The following TNIP3 variants were observed in gnomAD, a reference collection of about 807,000 sequenced individuals.
The protein encoded by TNIP3 is TNFAIP3-interacting protein 3.
A neutral mutation model predicts 54.1 loss-of-function variants in TNIP3; 34 were observed. The observed-to-expected ratio is 0.63, with a 90% CI of 0.48 to 0.84. TNIP3 has a LOEUF of 0.84. Ranked by LOEUF, TNIP3 falls within the 40% of genes least tolerant of loss-of-function variation. The pLI, the probability that TNIP3 is intolerant of heterozygous loss-of-function variation, is 0.00. For synonymous variants in TNIP3, 134 were observed against 136.8 expected (o/e 0.98, Z 0.14); for missense variants, 366 against 387.6 (o/e 0.94, Z 0.47).
Position 121,162,063 on chromosome 4 carries a change from C to T in TNIP3, c.67-847G>A, listed in dbSNP as rs184448027. On this transcript the variant is annotated intron_variant, in intron 1 of 10. Transcript: ENST00000057513. ...TAATTCCTACATCTGTAATCTGTTT[C>T]AGGCTTAATAGTTACTGTGGATCAC... is the stretch of plus-strand genomic sequence containing the variant. Among the ~76,000 whole-genome samples, 471 of 152,230 alleles carry T rather than the reference C, an allele frequency of 3.1e-3. 4 individuals are homozygous for T. Among genetic ancestry groups the T allele is most frequent in the Admixed American group, 5.8e-3 (89 of 15,288 alleles).
At chr4:121,145,576 T>C (rs1729378180) in intron 7 of TNIP3, among the ~76,000 whole-genome samples, 1 of 150,708 alleles carries the variant, frequency 6.6e-6, no homozygotes, top group Admixed American at 6.6e-5. Context: ...TCACCAATCT[T>C]AATATAGTAG....
intron 3 of TNIP3, among the ~76,000 whole-genome samples, chr4:121,179,437 C>T (rs1315358153): frequency 6.6e-6 from 1 of 152,128 alleles, no homozygotes; most frequent in Non-Finnish European, 1.5e-5. Context: ...GTATTACATC[C>T]TTCTTCTAAT....
At chr4:121,159,156 T>C (rs991190744) in intron 2 of TNIP3, among the ~76,000 whole-genome samples, 5 of 151,946 alleles carry the variant, frequency 3.3e-5, no homozygotes, top group African/African-American at 1.2e-4. Flanking sequence ...GGCAGGAGAA[T>C]CACTTGAACC....
At chr4:121,158,277 A>ATT (rs1730230735) in intron 3 of TNIP3, among the ~76,000 whole-genome samples, 1 of 152,162 alleles carries the variant, frequency 6.6e-6, no homozygotes, top group Admixed American at 6.5e-5. Context: ...ATTTGTGGAA[A>ATT]ATAGGTCATG....
intron 10 of TNIP3, among the ~76,000 whole-genome samples, chr4:121,133,966 T>A (rs917424526): frequency 6.6e-6 from 1 of 151,912 alleles, no homozygotes; most frequent in Non-Finnish European, 1.5e-5. Flanking sequence ...CCTGCCAACA[T>A]CTTGATTTTT....
At chr4:121,177,600 C>T (rs1441686812) in intron 3 of TNIP3, among the ~76,000 whole-genome samples, 2 of 152,224 alleles carry the variant, frequency 1.3e-5, no homozygotes, top group African/African-American at 2.4e-5. Flanking sequence ...AAACCAATTT[C>T]CTGCTCCTGG....
chr4:121,208,672 G>T (rs1313137820), intron 2 of TNIP3, among the ~76,000 whole-genome samples: 2 of 152,166 alleles, frequency 1.3e-5, no homozygotes, highest in Non-Finnish European at 2.9e-5. Flanking sequence ...TAGGTAACAG[G>T]CAAGGAGAAT....
chr4:121,205,768 T>A (rs949150414), intron 2 of TNIP3, among the ~76,000 whole-genome samples: 5 of 152,126 alleles, frequency 3.3e-5, no homozygotes, highest in African/African-American at 1.2e-4. Context: ...AAACTGGAAA[T>A]AATAAAGTTG....
At chr4:121,153,664 A>G (rs1193199925) in intron 5 of TNIP3, among the ~76,000 whole-genome samples, 1 of 152,220 alleles carries the variant, frequency 6.6e-6, no homozygotes, top group Non-Finnish European at 1.5e-5. Context: ...AAAGCATCCT[A>G]TCAACTATGC....
Position 121,161,229 on chromosome 4 carries a change from AAAAG to A in TNIP3, c.67-17_67-14del, listed in dbSNP as rs575489542. On this transcript the variant is annotated splice_polypyrimidine_tract_variant and intron_variant, in intron 1 of 10. Transcript: ENST00000057513. ...ATGGTTCAGCACACTTAGAAAAAAA[AAAAG>A]AGAGAAGATTGAAACAAAGCTGTTT... The A allele has an allele frequency of 1.6e-3, 2,545 of 1,551,092 alleles. 4 individuals are homozygous for A. Among genetic ancestry groups the A allele is most frequent in the Non-Finnish European group, 2.0e-3 (2,280 of 1,150,012 alleles).
chr4:121,185,794 C>A (rs569746834), intron 2 of TNIP3, among the ~76,000 whole-genome samples: 1 of 152,346 alleles, frequency 6.6e-6, no homozygotes, highest in East Asian at 1.9e-4. Context: ...GTATTGCCCT[C>A]ATGGCTGCCT....
intron 9 of TNIP3, among the ~76,000 whole-genome samples, chr4:121,140,159 C>A (rs1729030271): frequency 6.6e-6 from 1 of 151,966 alleles, no homozygotes; most frequent in South Asian, 2.1e-4. Flanking sequence ...TATGGTGAAA[C>A]CCCATCTCCG....
chr4:121,138,741 G>A (rs1353005125), intron 9 of TNIP3, 57 bp from the exon 10 acceptor site: 1 of 1,474,846 alleles, frequency 6.8e-7, no homozygotes, highest in Non-Finnish European at 9.5e-7. Context: ...ATAGTGGCAT[G>A]TCAAAAATAC....
At chr4:121,173,430 G>A (rs773302442) in intron 3 of TNIP3, among the ~76,000 whole-genome samples, 6 of 152,094 alleles carry the variant, frequency 3.9e-5, no homozygotes, top group Non-Finnish European at 7.4e-5. Flanking sequence ...GTAGTCAGAA[G>A]AGAGAAAATT....
intron 2 of TNIP3, among the ~76,000 whole-genome samples, chr4:121,159,865 G>A (rs1730341628): frequency 6.6e-6 from 1 of 152,176 alleles, no homozygotes; most frequent in Non-Finnish European, 1.5e-5. Context: ...AACAGACACT[G>A]AGAAGACAGT....
chr4:121,180,515 T>G (rs1379903052), intron 3 of TNIP3, among the ~76,000 whole-genome samples: 1 of 152,232 alleles, frequency 6.6e-6, no homozygotes, highest in African/African-American at 2.4e-5. Flanking sequence ...AAATGACCAT[T>G]GGATTTATCC....
At chr4:121,168,769 C>A (rs1730911806), upstream of TNIP3, among the ~76,000 whole-genome samples, 1 of 137,572 alleles carries the variant, frequency 7.3e-6, no homozygotes, top group Non-Finnish European at 1.5e-5. Flanking sequence ...ATCCTCCCAC[C>A]ACAGCTTCTC....
At position 121,222,511 on chromosome 4, in the gene TNIP3, C is replaced by T. The variant is rs551659423; in HGVS notation, c.3+4874G>A. On this transcript the variant is annotated intron_variant, in intron 1 of 12. Coordinates refer to the TNIP3 transcript ENST00000509841. ...CCTTACCTACAAAGTAAGGATAACA[C>T]TTCCCTTCTTCAAGGAAAAGTCCAT... 1.1e-4 allele frequency among the ~76,000 whole-genome samples: 17 copies of T among 152,272 alleles called. No homozygotes were observed. In the South Asian group the frequency reaches 1.9e-3, roughly 17 times the overall value.
Position 121,132,487 on chromosome 4 carries a change from T to C in TNIP3, c.*144A>G, listed in dbSNP as rs1728529575. The stretch of plus-strand genomic sequence containing the variant: ...TGTCAGAAGCCTTTTCCTGTATTCA[T>C]ACCAAAGGAAAACATGACCAGGCAC... On this transcript the variant is annotated 3_prime_UTR_variant, in exon 11 of 11. Coordinates refer to ENST00000057513, the MANE Select transcript of TNIP3 (RefSeq NM_024873.6). 1 of 727,452 alleles carries C rather than the reference T, an allele frequency of 1.4e-6. No homozygotes were observed. The highest frequency in any genetic ancestry group is 2.7e-5 in the Admixed American group (1 of 36,596). The allele number at this position is 727,452 out of a possible 1,614,324, so 45.1% of individuals were successfully genotyped here. A position where few individuals can be genotyped will look rare whatever the true frequency, so the allele number is the denominator to read the frequency against.
Sources: gnomAD v4.1 joint callset for allele counts (sites outside exome capture counted in the v4.1 genomes callset) on GRCh38, gnomAD v4.1.1 for gene constraint, MANE v1.5 for transcripts, NCBI Gene and HGNC (gene_info 2026-07-23, HGNC 2026-07-21) for gene names.